The following EEPD1 variants were observed in gnomAD, a reference collection of about 807,000 sequenced individuals.
The protein encoded by EEPD1 is endonuclease/exonuclease/phosphatase family domain-containing protein 1.
In EEPD1, 17 loss-of-function variants were observed where a neutral mutation model predicts 46.3. The ratio of observed to expected loss-of-function variants is 0.37; its 90% CI spans 0.25 to 0.55. The LOEUF (loss-of-function observed/expected upper bound fraction) is 0.55. Among genes scored for constraint, EEPD1 ranks in the 20% least tolerant of loss-of-function variants. The pLI is 0.83. For missense variants in EEPD1, 673 were observed against 745.6 expected, an observed-to-expected ratio of 0.90 and a Z score of 1.13; for synonymous variants, 313 against 315.6, an observed-to-expected ratio of 0.99 and a Z score of 0.09.
At chr7:36,227,821 G>T (rs1392820928) in intron 2 of EEPD1, among the ~76,000 whole-genome samples, 2 of 152,210 alleles carry the variant, frequency 1.3e-5, no homozygotes, top group Admixed American at 6.5e-5. Flanking sequence ...CCAAGTAGCT[G>T]CGATTACAGG....
chr7:36,205,634 G>C (rs1583808099), intron 2 of EEPD1, among the ~76,000 whole-genome samples: 2 of 152,218 alleles, frequency 1.3e-5, no homozygotes, highest in African/African-American at 4.8e-5. Context: ...CTGGAAAACT[G>C]AGCAGGTTAA....
intron 3 of EEPD1, among the ~76,000 whole-genome samples, chr7:36,261,984 G>C (rs1258342646): frequency 6.6e-6 from 1 of 152,136 alleles, no homozygotes; most frequent in Non-Finnish European, 1.5e-5. Flanking sequence ...ATCCAACCTT[G>C]TTTCAGAAAT....
intron 2 of EEPD1, among the ~76,000 whole-genome samples, chr7:36,234,414 G>A (rs1267962260): frequency 3.3e-5 from 5 of 152,198 alleles, no homozygotes; most frequent in Non-Finnish European, 4.4e-5. Flanking sequence ...GCTCACACCT[G>A]TAATTCTAGT....
At chr7:36,168,692 A>G (rs903655059) in intron 2 of EEPD1, among the ~76,000 whole-genome samples, 1 of 151,222 alleles carries the variant, frequency 6.6e-6, no homozygotes, top group African/African-American at 2.4e-5. Flanking sequence ...CAGGAGGCGG[A>G]GCTTGCAGTG....
chr7:36,209,208 A>G (rs546490777), intron 2 of EEPD1, among the ~76,000 whole-genome samples: 8 of 152,184 alleles, frequency 5.3e-5, no homozygotes, highest in Non-Finnish European at 1.2e-4. Context: ...CTTTGATCCC[A>G]TGTCTGTTTA....
rs140394885 is a variant in EEPD1, at chr7:36,297,091, G to A, written c.1414G>A (p.Ala472Thr). 1.3e-4 allele frequency: 206 copies of A among 1,614,178 alleles called. No individual in the cohort carries two copies. Among genetic ancestry groups the A allele is most frequent in the Admixed American group, 2.5e-4 (15 of 60,026 alleles). The change falls in exon 7 of 8, where the codon GCG becomes ACG. Residue 472 changes from alanine (A) to threonine (T), a missense_variant. By Grantham distance (58) the Ala-to-Thr change is moderately conservative. Transcript: ENST00000242108. ...RKEKFHHLIP[A>T]HTFTNISTKN... is the part of the protein sequence containing the mutation. Reference sequence around the variant, plus strand: ...AGAAAAGTTCCACCACCTGATCCCCGCGCACACCTTCACCAACATCAGCAC... The same window carrying A: ...AGAAAAGTTCCACCACCTGATCCCCACGCACACCTTCACCAACATCAGCAC...
chr7:36,289,777 A>G (rs1284789463), intron 6 of EEPD1, among the ~76,000 whole-genome samples: 1 of 152,214 alleles, frequency 6.6e-6, no homozygotes. Flanking sequence ...TACAGGCGTG[A>G]GCCACAGCGC....
rs373375160 is a variant in EEPD1, at chr7:36,270,521, T to C, written c.931-10594T>C. 1.2e-3 allele frequency among the ~76,000 whole-genome samples: 179 copies of C among 152,306 alleles called. 4 individuals carry two copies. In the South Asian group the frequency reaches 0.013, roughly 11 times the overall value. ...CTGCCCTGTGTCCATGTGTTCTCAT[T>C]GTTCAACTCCTACTTATGAGTGAGA... On this transcript the variant is annotated intron_variant, in intron 3 of 7. Coordinates refer to ENST00000242108, the MANE Select transcript of EEPD1 (RefSeq NM_030636.3).
intron 3 of EEPD1, among the ~76,000 whole-genome samples, chr7:36,273,247 C>T (rs979327400): frequency 6.6e-6 from 1 of 152,036 alleles, no homozygotes; most frequent in East Asian, 1.9e-4. Flanking sequence ...CGTCGTGTGT[C>T]GAATGGGACT....
chr7:36,198,476 G>T (rs1288791368), intron 2 of EEPD1, among the ~76,000 whole-genome samples: 1 of 144,308 alleles, frequency 6.9e-6, no homozygotes, highest in Non-Finnish European at 1.5e-5. Context: ...GACCACCATT[G>T]TATATATGGC....
At chr7:36,176,813 A>G (rs751601011) in intron 2 of EEPD1, among the ~76,000 whole-genome samples, 3 of 152,246 alleles carry the variant, frequency 2.0e-5, no homozygotes, top group Non-Finnish European at 4.4e-5. Flanking sequence ...GTGAGGAAAA[A>G]GAAGTGGGAG....
intron 2 of EEPD1, among the ~76,000 whole-genome samples, chr7:36,165,087 A>C (rs1375499979): frequency 1.3e-5 from 2 of 152,216 alleles, no homozygotes; most frequent in Non-Finnish European, 2.9e-5. Context: ...CACAGTGTTT[A>C]TTAAATCTAC....
intron 2 of EEPD1, among the ~76,000 whole-genome samples, chr7:36,169,835 G>A (rs1293219132): frequency 1.3e-5 from 2 of 152,200 alleles, no homozygotes; most frequent in East Asian, 3.9e-4. Context: ...ACAATGTCCT[G>A]GAGAAGTATT....
Position 36,158,470 on chromosome 7 carries a change from G to A in EEPD1, c.878+3268G>A, listed in dbSNP as rs539176381. On this transcript the variant is annotated intron_variant, in intron 2 of 7. Coordinates refer to ENST00000242108, the MANE Select transcript of EEPD1 (RefSeq NM_030636.3). ...AGTAGGTGTGTTTTCTTAGGCTGAA[G>A]GGTAGCTGTATGGGATGGGAGTTAG... Among the ~76,000 whole-genome samples, 5 of 152,324 alleles carry A rather than the reference G, an allele frequency of 3.3e-5. No individual in the cohort carries two copies. The South Asian group carries it at 1.0e-3, about 32-fold the overall frequency.
chr7:36,155,382 T>C lies in EEPD1; in HGVS notation c.878+180T>C, dbSNP rs80112308. On this transcript the variant is annotated intron_variant, in intron 2 of 7. Transcript: ENST00000242108. ...AATGGGCTGTCCTTCTGCTCCAGAA[T>C]TTTCTGAATACAGCTGGGCTTGTGA... Among the ~76,000 whole-genome samples the C allele has an allele frequency of 4.2e-3, 639 of 152,308 alleles. 8 individuals are homozygous for C. Among genetic ancestry groups the C allele is most frequent in the African/African-American group, 0.015 (617 of 41,552 alleles).
At chr7:36,155,858 CAAAGA>C (rs777616655) in intron 2 of EEPD1, among the ~76,000 whole-genome samples, 2 of 152,038 alleles carry the variant, frequency 1.3e-5, no homozygotes, top group Non-Finnish European at 2.9e-5. Context: ...CCATTTAAAC[CAAAGA>C]AAAGAGTCCA....
intron 3 of EEPD1, among the ~76,000 whole-genome samples, chr7:36,239,422 G>A (rs1236578791): frequency 1.3e-5 from 2 of 152,072 alleles, no homozygotes; most frequent in Non-Finnish European, 2.9e-5. Context: ...TTATCTGGGT[G>A]TAGGGATGAT....
intron 6 of EEPD1, among the ~76,000 whole-genome samples, chr7:36,292,364 C>T (rs201566757): frequency 1.4e-5 from 2 of 146,986 alleles, no homozygotes; most frequent in Admixed American, 6.8e-5. Flanking sequence ...TTTTTCTTTT[C>T]TTTTCTTTTG....
chr7:36,212,328 A>G (rs1294153353), intron 2 of EEPD1, among the ~76,000 whole-genome samples: 2 of 151,976 alleles, frequency 1.3e-5, no homozygotes, highest in Admixed American at 6.6e-5. Flanking sequence ...AGGCTTAACT[A>G]TGTACAAATC....
Sources: gnomAD v4.1 joint callset for allele counts (sites outside exome capture counted in the v4.1 genomes callset) on GRCh38, gnomAD v4.1.1 for gene constraint, MANE v1.5 for transcripts, NCBI Gene and HGNC (gene_info 2026-07-23, HGNC 2026-07-21) for gene names.